The following PSPC1 variants were observed in gnomAD, a reference collection of about 807,000 sequenced individuals.
PSPC1 encodes the protein paraspeckle component 1, also known as paraspeckle protein 1.
A neutral mutation model predicts 51.6 loss-of-function variants in PSPC1; 14 were observed. The observed-to-expected ratio is 0.27, with a 90% CI of 0.18 to 0.42. The LOEUF is 0.42. Ranked by LOEUF, PSPC1 falls within the 10% of genes least tolerant of loss-of-function variation. PSPC1 has a pLI of 1.00. For synonymous variants in PSPC1, 193 were observed against 231.9 expected (o/e 0.83, Z 1.53); for missense variants, 406 against 701.1 (o/e 0.58, Z 4.75).
intron 6 of PSPC1, among the ~76,000 whole-genome samples, chr13:19,690,567 C>T (rs368793840): frequency 7.9e-5 from 12 of 152,316 alleles, no homozygotes; most frequent in African/African-American, 2.4e-4. Context: ...CTCAGGTAGG[C>T]GTTTTAAACT....
intron 4 of PSPC1, among the ~76,000 whole-genome samples, chr13:19,750,737 C>A (rs1461950855): frequency 6.6e-6 from 1 of 151,930 alleles, no homozygotes; most frequent in East Asian, 1.9e-4. Context: ...CCGCAAATTA[C>A]CTCCAACACT....
intron 6 of PSPC1, among the ~76,000 whole-genome samples, chr13:19,711,639 T>TA (rs143917566): frequency 0.56 from 45,199 of 80,706 alleles, 12,381 homozygotes; most frequent in East Asian, 0.76. Context: ...CTCCGTCTCA[T>TA]AAAAAAAAAA....
chr13:19,724,143 TA>T (rs1883085090), intron 6 of PSPC1, among the ~76,000 whole-genome samples: 1 of 152,238 alleles, frequency 6.6e-6, no homozygotes, highest in Non-Finnish European at 1.5e-5. Context: ...TTAAGCAACA[TA>T]AATTCCTCAT....
At chr13:19,709,036 T>C (rs1419163361) in intron 7 of PSPC1, among the ~76,000 whole-genome samples, 1 of 151,520 alleles carries the variant, frequency 6.6e-6, no homozygotes, top group Non-Finnish European at 1.5e-5. Flanking sequence ...TGGTGGCACA[T>C]GCCTGTAGTC....
At chr13:19,680,118 G>A (rs1877104315) in intron 6 of PSPC1, among the ~76,000 whole-genome samples, 1 of 152,102 alleles carries the variant, frequency 6.6e-6, no homozygotes. Flanking sequence ...AGGTTCAAAT[G>A]ATCCTCCTGC....
rs558520382 is a variant in PSPC1, at chr13:19,759,971, G to A, written c.675-553C>T. 1.3e-4 allele frequency among the ~76,000 whole-genome samples: 20 copies of A among 152,020 alleles called. No homozygotes were observed. In the South Asian group the frequency reaches 1.5e-3, roughly 11 times the overall value. On this transcript the variant is annotated intron_variant, in intron 2 of 8. Coordinates refer to ENST00000338910, the MANE Select transcript of PSPC1 (RefSeq NM_001354909.2). ...AGCAACAATTATGAACCAGCATAACGGTTATAGTTAACATTTAGAAAGTAT... is the reference window on the plus strand; with the variant it reads ...AGCAACAATTATGAACCAGCATAACAGTTATAGTTAACATTTAGAAAGTAT...
At chr13:19,778,435 G>A (rs1474047372) in intron 1 of PSPC1, among the ~76,000 whole-genome samples, 29 of 115,714 alleles carry the variant, frequency 2.5e-4, no homozygotes, top group African/African-American at 6.6e-4. Context: ...ATGCGGAGCC[G>A]AAGCTGGACT....
intron 1 of PSPC1, among the ~76,000 whole-genome samples, chr13:19,776,328 T>A (rs1247898772): frequency 6.6e-6 from 1 of 151,888 alleles, no homozygotes. Context: ...TAGCTGGGTG[T>A]GGTGGTGTGT....
chr13:19,776,480 C>T lies in PSPC1; in HGVS notation c.373-3937G>A, dbSNP rs114980389. Among the ~76,000 whole-genome samples, 746 of 152,056 alleles carry T rather than the reference C, an allele frequency of 4.9e-3. 7 individuals are homozygous for T. The highest frequency in any genetic ancestry group is 0.017 in the African/African-American group (693 of 41,506). ...AAGAGAAAAAACAAAAATCACCAAC[C>T]AGTACACTTAAAATGTGTACCCTTT... On this transcript the variant is annotated intron_variant, in intron 1 of 8. Coordinates refer to ENST00000338910, the MANE Select transcript of PSPC1 (RefSeq NM_001354909.2).
chr13:19,717,601 G>A (rs1198945109), intron 6 of PSPC1, among the ~76,000 whole-genome samples: 1 of 151,378 alleles, frequency 6.6e-6, no homozygotes, highest in Non-Finnish European at 1.5e-5. Context: ...AGCTACTCGG[G>A]AGGCTGAGGC....
intron 5 of PSPC1, among the ~76,000 whole-genome samples, chr13:19,732,068 TC>T (rs1884184348): frequency 6.6e-6 from 1 of 152,150 alleles, no homozygotes; most frequent in Non-Finnish European, 1.5e-5. Flanking sequence ...TAAATCTGAG[TC>T]CACTAATTCA....
At chr13:19,696,400 AAAC>A (rs1052730584) in intron 6 of PSPC1, among the ~76,000 whole-genome samples, 18 of 152,126 alleles carry the variant, frequency 1.2e-4, no homozygotes, top group African/African-American at 4.3e-4. Flanking sequence ...TTTTTGGAAC[AAAC>A]AACTGTCAAT....
chr13:19,782,341 C>A lies in PSPC1; in HGVS notation c.372+45G>T, dbSNP rs1022044863. The A allele has an allele frequency of 5.9e-6, 9 of 1,529,294 alleles. No homozygotes were observed. The highest frequency in any genetic ancestry group is 7.9e-6 in the Non-Finnish European group (9 of 1,139,558). The allele number at this position is 1,529,294 out of a possible 1,614,324, so 94.7% of individuals were successfully genotyped here. On this transcript the variant is annotated intron_variant, in intron 1 of 8. Coordinates refer to ENST00000338910, the MANE Select transcript of PSPC1 (RefSeq NM_001354909.2). The surrounding 1 kb of genome is among the most constrained non-coding windows in gnomAD (Gnocchi z 4.5). ...CCTCAGCCCCACGACCCCGCGGCCA[C>A]CCCGACAGTCCTTTTGTTCCCTCGC...
chr13:19,713,295 TA>T (rs1881668009), intron 6 of PSPC1, among the ~76,000 whole-genome samples: 1 of 152,124 alleles, frequency 6.6e-6, no homozygotes, highest in African/African-American at 2.4e-5. Flanking sequence ...TGCGCTAAAA[TA>T]AACCTATGAT....
intron 6 of PSPC1, among the ~76,000 whole-genome samples, chr13:19,682,906 A>G (rs566200867): frequency 6.6e-6 from 1 of 151,984 alleles, no homozygotes; most frequent in South Asian, 2.1e-4. Context: ...TCTCACTAAA[A>G]AAAAAAAATA....
chr13:19,753,642 A>G (rs1296253195), intron 3 of PSPC1, among the ~76,000 whole-genome samples: 1 of 152,114 alleles, frequency 6.6e-6, no homozygotes, highest in Non-Finnish European at 1.5e-5. Flanking sequence ...AAGCATAGAT[A>G]CCTTGCTATA....
At chr13:19,697,767 T>G (rs949394067), downstream of PSPC1, among the ~76,000 whole-genome samples, 1 of 152,024 alleles carries the variant, frequency 6.6e-6, no homozygotes, top group African/African-American at 2.4e-5. Context: ...TCTCAATACA[T>G]AAAAACACCA....
At chr13:19,730,957 C>CAAAAAAAAAA (rs1483772556) in intron 5 of PSPC1, among the ~76,000 whole-genome samples, 1 of 36,956 alleles carries the variant, frequency 2.7e-5, no homozygotes, top group Non-Finnish European at 5.4e-5. Flanking sequence ...AAAAAAAAAA[C>CAAAAAAAAAA]AAAAAAACAA....
chr13:19,781,103 G>A lies in PSPC1; in HGVS notation c.372+1283C>T, dbSNP rs187168751. ...TCTTGAGCCCAGGAACTGAGATCGC[G>A]CCACTGCACTCTAGCCTGGGTGATA... On this transcript the variant is annotated intron_variant, in intron 1 of 8. Transcript: ENST00000338910. Among the ~76,000 whole-genome samples, 1,338 of 148,102 alleles carry A rather than the reference G, an allele frequency of 9.0e-3. 11 individuals carry two copies. The highest frequency in any genetic ancestry group is 0.046 in the Middle Eastern group (13 of 284).
Sources: allele counts gnomAD v4.1 joint callset (sites outside exome capture counted in the v4.1 genomes callset), GRCh38; gene constraint gnomAD v4.1.1; non-coding constraint Gnocchi (gnomAD v3.1); transcripts MANE v1.5; gene names NCBI Gene and HGNC (gene_info 2026-07-23, HGNC 2026-07-21).